FRMD4A: variants seen among roughly 807,000 people sequenced by gnomAD.
FRMD4A encodes FERM domain containing 4A.
Under a neutral mutation model 129.1 loss-of-function variants are expected in FRMD4A, and 29 were observed. The ratio of observed to expected loss-of-function variants is 0.22; its 90% CI spans 0.17 to 0.31. The LOEUF (loss-of-function observed/expected upper bound fraction) is 0.31, where lower values mean the gene tolerates loss of function less well. Among genes scored for constraint, FRMD4A ranks in the 10% least tolerant of loss-of-function variants. The probability of loss-of-function intolerance (pLI) is 1.00; values close to 1 mark genes in which losing one functional copy is unlikely to be tolerated. For synonymous variants in FRMD4A, 634 were observed against 571.6 expected (o/e 1.11, Z -1.56); for missense variants, 1,272 against 1,375.8 (o/e 0.92, Z 1.19).
chr10:13,992,937 A>T (rs776233051), intron 2 of FRMD4A, among the ~76,000 whole-genome samples: 3 of 119,736 alleles, frequency 2.5e-5, no homozygotes, highest in Non-Finnish European at 3.3e-5. Flanking sequence ...TGGGCAATAG[A>T]GTGAGACTCT....
chr10:14,065,581 A>T (rs1835018525), intron 2 of FRMD4A, among the ~76,000 whole-genome samples: 1 of 152,134 alleles, frequency 6.6e-6, no homozygotes, highest in African/African-American at 2.4e-5. Context: ...AATATCTAAG[A>T]CCCAGAAATC....
chr10:13,807,690 A>G (rs1041420690), intron 4 of FRMD4A, among the ~76,000 whole-genome samples: 1 of 152,078 alleles, frequency 6.6e-6, no homozygotes, highest in African/African-American at 2.4e-5. Context: ...TGCTTTATAT[A>G]TATTTTCTCC....
rs752529837 is a variant in FRMD4A, at chr10:13,762,271, C to G, written c.441+353G>C. On this transcript the variant is annotated intron_variant, in intron 7 of 24. Coordinates refer to ENST00000357447, the MANE Select transcript of FRMD4A (RefSeq NM_018027.5). Reference sequence around the variant, plus strand: ...TACCTTGTCTTTCTAGGGGGCAGAACATGATTTTTTGGCCACTAACTCTAG... The same window carrying G: ...TACCTTGTCTTTCTAGGGGGCAGAAGATGATTTTTTGGCCACTAACTCTAG... Among the ~76,000 whole-genome samples the G allele has an allele frequency of 2.0e-5, 3 of 152,268 alleles. 1 individual carries two copies. Among genetic ancestry groups the G allele is most frequent in the South Asian group, 4.1e-4 (2 of 4,824 alleles).
intron 2 of FRMD4A, among the ~76,000 whole-genome samples, chr10:13,904,955 T>A (rs2698134): frequency 2.7e-5 from 4 of 147,084 alleles, no homozygotes; most frequent in African/African-American, 7.6e-5. Context: ...ATTGTGCCAC[T>A]GCACTCCAGC....
chr10:14,039,975 G>A (rs1410044219), intron 2 of FRMD4A, among the ~76,000 whole-genome samples: 1 of 152,158 alleles, frequency 6.6e-6, no homozygotes, highest in Non-Finnish European at 1.5e-5. Context: ...CCATTTATCT[G>A]TCATCTCATC....
intron 2 of FRMD4A, among the ~76,000 whole-genome samples, chr10:14,124,792 G>C (rs187077396): frequency 6.6e-6 from 1 of 152,282 alleles, no homozygotes; most frequent in Admixed American, 6.5e-5. Context: ...CACCAAACGG[G>C]ATTGTATCCA....
chr10:13,983,589 G>A (rs1166070549), intron 2 of FRMD4A, among the ~76,000 whole-genome samples: 1 of 152,040 alleles, frequency 6.6e-6, no homozygotes, highest in Non-Finnish European at 1.5e-5. Context: ...GAAGGAAATT[G>A]GTTTGAGGTA....
At chr10:13,807,405 G>A (rs753348876) in intron 4 of FRMD4A, among the ~76,000 whole-genome samples, 1 of 152,150 alleles carries the variant, frequency 6.6e-6, no homozygotes, top group Non-Finnish European at 1.5e-5. Context: ...AAGTCACGTC[G>A]TTTGCAAGAT....
chr10:13,740,533 G>T lies in FRMD4A; in HGVS notation c.593C>A (p.Thr198Lys). Residue 198 changes from threonine (T) to lysine (K), a missense_variant, in exon 10 of 25, where the codon ACA becomes AAA. Around this residue, in one of 2 missense-constraint regions of FRMD4A, gnomAD observed 300 missense variants for 483.6 expected, o/e 0.62. Coordinates refer to ENST00000357447, the MANE Select transcript of FRMD4A (RefSeq NM_018027.5). ...IEHYKKLNGQTRGQAIVNYMS... is the reference protein window; with the variant it reads ...IEHYKKLNGQKRGQAIVNYMS... The stretch of plus-strand genomic sequence containing the variant: ...TTACTTTACGATTGCTTGACCTCTT[G>T]TCTGACCGTTCAGTTTCTTGTAGTG... 1 of 1,592,252 alleles carries T rather than the reference G, an allele frequency of 6.3e-7. No homozygotes were observed. The highest frequency in any genetic ancestry group is 8.6e-7 in the Non-Finnish European group (1 of 1,162,244).
chr10:14,088,618 A>T (rs1836439613), intron 2 of FRMD4A, among the ~76,000 whole-genome samples: 1 of 151,478 alleles, frequency 6.6e-6, no homozygotes. Flanking sequence ...AAATGCAAAA[A>T]CTAGCCGGAC....
At chr10:14,107,802 T>C (rs556588933) in intron 2 of FRMD4A, among the ~76,000 whole-genome samples, 1 of 152,346 alleles carries the variant, frequency 6.6e-6, no homozygotes, top group East Asian at 1.9e-4. Context: ...AGTTATGCGA[T>C]ATTCTTTCAT....
intron 2 of FRMD4A, among the ~76,000 whole-genome samples, chr10:14,244,314 C>G (rs1263264313): frequency 6.6e-6 from 1 of 152,208 alleles, no homozygotes; most frequent in African/African-American, 2.4e-5. Flanking sequence ...TGCCTTCCCT[C>G]TGGCCCCCTT....
intron 2 of FRMD4A, among the ~76,000 whole-genome samples, chr10:14,214,848 T>A (rs1843027445): frequency 6.6e-6 from 1 of 152,228 alleles, no homozygotes; most frequent in African/African-American, 2.4e-5. Context: ...TGTGCCTACA[T>A]ATAAACAAAG....
chr10:13,910,384 A>G (rs1439751152), intron 2 of FRMD4A, among the ~76,000 whole-genome samples: 2 of 152,224 alleles, frequency 1.3e-5, no homozygotes, highest in Non-Finnish European at 2.9e-5. Context: ...TGACATCAGC[A>G]GTGTCATCCA....
chr10:13,747,690 C>T (rs1180591888), intron 9 of FRMD4A, 46 bp downstream of exon 9: 15 of 1,022,406 alleles, frequency 1.5e-5, no homozygotes, highest in Non-Finnish European at 1.7e-5. Flanking sequence ...TGTCCCCTCG[C>T]ACCCCGAGAG....
At chr10:13,746,720 G>A (rs1321161866) in intron 9 of FRMD4A, among the ~76,000 whole-genome samples, 3 of 152,200 alleles carry the variant, frequency 2.0e-5, no homozygotes, top group Non-Finnish European at 4.4e-5. Context: ...AATAAAAGGA[G>A]TTGCAATGAT....
chr10:13,760,139 T>C (rs1316252462), intron 8 of FRMD4A, among the ~76,000 whole-genome samples: 1 of 152,146 alleles, frequency 6.6e-6, no homozygotes, highest in African/African-American at 2.4e-5. Context: ...ATCAGGCTCA[T>C]CCATTTACTT....
chr10:13,805,738 G>C (rs530722649), intron 4 of FRMD4A, among the ~76,000 whole-genome samples: 1 of 152,262 alleles, frequency 6.6e-6, no homozygotes, highest in African/African-American at 2.4e-5. Flanking sequence ...ACCAGGGCTG[G>C]AGTGCAGTGG....
chr10:13,809,056 T>TGTA, intron 4 of FRMD4A, among the ~76,000 whole-genome samples: 1 of 152,192 alleles, frequency 6.6e-6, no homozygotes, highest in East Asian at 1.9e-4. Context: ...AGACATGGAG[T>TGTA]GTACCAGCTT....
Sources: gnomAD v4.1 joint callset for allele counts (sites outside exome capture counted in the v4.1 genomes callset) on GRCh38, gnomAD v4.1.1 for gene constraint, gnomAD v4.1.1 regional missense constraint, MANE v1.5 for transcripts, NCBI Gene and HGNC (gene_info 2026-07-23, HGNC 2026-07-21) for gene names.